PRRC2B: variants seen among roughly 807,000 people sequenced by gnomAD.
PRRC2B encodes the protein protein PRRC2B.
In PRRC2B, 68 loss-of-function variants were observed where a neutral mutation model predicts 242.3. The observed-to-expected ratio is 0.28, with a 90% CI of 0.23 to 0.34. The LOEUF is 0.34. Ranked by LOEUF, PRRC2B falls within the 10% of genes least tolerant of loss-of-function variation. The probability of loss-of-function intolerance (pLI) is 1.00; values close to 1 mark genes in which losing one functional copy is unlikely to be tolerated. For synonymous variants in PRRC2B, 1,228 were observed against 1,173.6 expected (o/e 1.05, Z -0.95); for missense variants, 2,835 against 2,954.8 (o/e 0.96, Z 0.94).
chr9:131,413,964 C>T (rs548828997), intron 1 of PRRC2B, among the ~76,000 whole-genome samples: 2 of 152,316 alleles, frequency 1.3e-5, no homozygotes, highest in East Asian at 1.9e-4. Flanking sequence ...GCCACCACGC[C>T]GGGCCTTAAT....
chr9:131,386,949 A>T (rs1836834113), intron 1 of PRRC2B, among the ~76,000 whole-genome samples: 1 of 150,114 alleles, frequency 6.7e-6, no homozygotes, highest in Non-Finnish European at 1.5e-5. Context: ...TCCAAAACTG[A>T]AGAACTTTGG....
intron 9 of PRRC2B, 27 bp from the exon 10 acceptor site, chr9:131,455,049 T>A: frequency 1.9e-6 from 3 of 1,579,444 alleles, no homozygotes; most frequent in Non-Finnish European, 2.6e-6. Flanking sequence ...TCTTTCTCAT[T>A]CTTCCTGGGC....
Position 131,487,301 on chromosome 9 carries a change from T to C in PRRC2B, c.5984+7T>C. On this transcript the variant is annotated splice_region_variant and intron_variant, in intron 27 of 31. Transcript: ENST00000683519. This position sits in a 1 kb window ranked among gnomAD's most constrained non-coding sequence, Gnocchi z 5.3. ...GCTCCTTGCAGCCCTTCAGGTGAGC[T>C]CATGTACCAGCTTGCGGAGCTGGCA... The C allele has an allele frequency of 1.9e-6, 3 of 1,596,604 alleles. No homozygotes were observed. The highest frequency in any genetic ancestry group is 2.6e-6 in the Non-Finnish European group (3 of 1,168,938).
Position 131,477,929 on chromosome 9 carries a change from A to G in PRRC2B, c.4592A>G (p.Gln1531Arg), listed in dbSNP as rs370210720. The change falls in exon 17 of 32, where the codon CAG (glutamine) becomes CGG (arginine). Residue 1531 changes from glutamine (Q) to arginine (R), a missense_variant. Gln to Arg is a conservative substitution (Grantham distance 43). Around this residue, in one of 7 missense-constraint regions of PRRC2B, gnomAD observed 1,536 missense variants for 1,483.1 expected, o/e 1.04. Coordinates refer to ENST00000683519, the MANE Select transcript of PRRC2B (RefSeq NM_013318.4). ...RAGEQGEAMK[Q>R]FDLNYGSAII... ...GGTGAACAGGGAGAGGCCATGAAAC[A>G]GTTTGACCTGAACTATGGAAGTAAG... is the stretch of plus-strand genomic sequence containing the variant. The G allele has an allele frequency of 6.8e-6, 11 of 1,613,880 alleles. No individual in the cohort carries two copies. In the African/African-American group the frequency reaches 1.3e-4, roughly 20 times the overall value.
In PRRC2B at chr9:131,447,733, C is replaced by T. The variant is rs747843736; in HGVS notation, c.1049C>T (p.Pro350Leu). ...CAGCTGGTGGAGCGGGCACCACGGCCCACCATTATCAATGCGGAAAACCTG... is the reference window on the plus strand; with the variant it reads ...CAGCTGGTGGAGCGGGCACCACGGCTCACCATTATCAATGCGGAAAACCTG... Reference protein sequence around the residue: ...LRQLVERAPRPTIINAENLKG... With the variant: ...LRQLVERAPRLTIINAENLKG... The change falls in exon 9 of 32, where the codon CCC becomes CTC. Residue 350 changes from proline (P) to leucine (L), a missense_variant. Physicochemically the swap from Pro to Leu is moderately conservative, Grantham distance 98. This residue lies in a region of PRRC2B where 626 missense variants were observed against 685.5 expected (regional missense o/e 0.91). Coordinates refer to ENST00000683519, the MANE Select transcript of PRRC2B (RefSeq NM_013318.4). 2 of 1,613,614 alleles carry T rather than the reference C, an allele frequency of 1.2e-6. No homozygotes were observed. Among genetic ancestry groups the T allele is most frequent in the African/African-American group, 2.7e-5 (2 of 74,902 alleles).
intron 1 of PRRC2B, among the ~76,000 whole-genome samples, chr9:131,381,505 G>A (rs1290034720): frequency 5.0e-5 from 7 of 141,212 alleles, no homozygotes; most frequent in Admixed American, 3.8e-4. Context: ...TGCAACCTCC[G>A]CCTCCCGGGT....
intron 1 of PRRC2B, among the ~76,000 whole-genome samples, chr9:131,413,144 C>G (rs896126942): frequency 1.3e-5 from 2 of 152,222 alleles, no homozygotes; most frequent in Admixed American, 6.5e-5. Context: ...TATGCTTATA[C>G]TGGTCCAAGC....
At chr9:131,480,470 G>C (rs551677005) in intron 19 of PRRC2B, among the ~76,000 whole-genome samples, 9 of 152,296 alleles carry the variant, frequency 5.9e-5, no homozygotes, top group African/African-American at 2.2e-4. Flanking sequence ...GTGTGAATCA[G>C]ATGTGACTCT....
rs780219033 is a variant in PRRC2B at position 131,436,643 on chromosome 9, C to T, written c.317C>T (p.Pro106Leu). 18 of 1,613,822 alleles carry T rather than the reference C, an allele frequency of 1.1e-5. No individual in the cohort carries two copies. The highest frequency in any genetic ancestry group is 8.0e-5 in the African/African-American group (6 of 74,942). ...AGTTCCAGTGCGACGGCCTCTCAGC[C>T]GCCGGAGTCGCTGCCGCAGCCGGGT... ...PKSSSATASQPPESLPQPGLQ... is the reference protein window; with the variant it reads ...PKSSSATASQLPESLPQPGLQ... Residue 106 changes from proline to leucine, a missense_variant, in exon 4 of 32, where the codon CCG (proline) becomes CTG (leucine). Around this residue, in one of 7 missense-constraint regions of PRRC2B, gnomAD observed 626 missense variants for 685.5 expected, o/e 0.91. Transcript: ENST00000683519.
rs760614353 is a variant in PRRC2B, at chr9:131,476,450, G to T, written c.4321G>T (p.Gly1441Trp). 2 of 1,613,272 alleles carry T rather than the reference G, an allele frequency of 1.2e-6. No homozygotes were observed. Among genetic ancestry groups the T allele is most frequent in the South Asian group, 2.2e-5 (2 of 90,990 alleles). The change falls in exon 16 of 32, where the codon GGG becomes TGG. Residue 1441 changes from glycine (G) to tryptophan (W), a missense_variant. Physicochemically the swap from Gly to Trp is radical, Grantham distance 184. Around this residue, in one of 7 missense-constraint regions of PRRC2B, gnomAD observed 1,536 missense variants for 1,483.1 expected, o/e 1.04. Coordinates refer to ENST00000683519, the MANE Select transcript of PRRC2B (RefSeq NM_013318.4). ...CCGAAAGCTGGAGCCGGGAGGGTTT[G>T]GGGAGAAGCCCGTTAGGCCAGGTGG... ...QSRKLEPGGF[G>W]EKPVRPGGGD...
intron 1 of PRRC2B, among the ~76,000 whole-genome samples, chr9:131,413,414 G>A (rs138804982): frequency 1.3e-5 from 2 of 152,310 alleles, no homozygotes; most frequent in Non-Finnish European, 2.9e-5. Flanking sequence ...GCTAGCGACT[G>A]TACCCTTTCT....
chr9:131,492,440 G>A (rs998149150), intron 30 of PRRC2B, among the ~76,000 whole-genome samples, 180 bp downstream of exon 30: 2 of 152,182 alleles, frequency 1.3e-5, no homozygotes, highest in Non-Finnish European at 2.9e-5. Flanking sequence ...TAAATTTGGG[G>A]GAGTGAGGAG....
intron 1 of PRRC2B, among the ~76,000 whole-genome samples, chr9:131,379,957 T>G (rs1204461516): frequency 6.7e-6 from 1 of 150,270 alleles, no homozygotes; most frequent in Non-Finnish European, 1.5e-5. Context: ...TTTGCCTTTT[T>G]GTTCTTGAGT....
chr9:131,458,130 G>A (rs928707454), intron 10 of PRRC2B, among the ~76,000 whole-genome samples: 1 of 152,084 alleles, frequency 6.6e-6, no homozygotes, highest in African/African-American at 2.4e-5. Context: ...TTTCCATGCT[G>A]TGTCGGCTCT....
At chr9:131,490,590 C>T (rs760687859) in intron 28 of PRRC2B, 1 of 519,098 alleles carries the variant, frequency 1.9e-6, no homozygotes, top group Non-Finnish European at 3.8e-6. Context: ...GGCCCAGCCC[C>T]CCTACCCCAT....
At chr9:131,443,018 A>G (rs1490444986) in intron 5 of PRRC2B, among the ~76,000 whole-genome samples, 2 of 151,140 alleles carry the variant, frequency 1.3e-5, no homozygotes, top group East Asian at 1.9e-4. Flanking sequence ...GCGGAAGGAC[A>G]GGTGAATGAG....
chr9:131,460,450 G>C (rs1461519758), intron 11 of PRRC2B, among the ~76,000 whole-genome samples: 1 of 152,156 alleles, frequency 6.6e-6, no homozygotes, highest in African/African-American at 2.4e-5. Context: ...CTTCAGGCAT[G>C]ACCTGACTTT....
At chr9:131,377,930 A>T (rs1024830938) in intron 1 of PRRC2B, among the ~76,000 whole-genome samples, 2 of 151,990 alleles carry the variant, frequency 1.3e-5, no homozygotes, top group African/African-American at 4.8e-5. Context: ...TAATTTTTAA[A>T]TTTTTTGTAG....
At chr9:131,449,360 C>T (rs1942841385) in intron 9 of PRRC2B, among the ~76,000 whole-genome samples, 1 of 150,220 alleles carries the variant, frequency 6.7e-6, no homozygotes, top group Non-Finnish European at 1.5e-5. Context: ...TTTTGGTGTT[C>T]ATCTTTTTTT....
Sources: allele counts gnomAD v4.1 joint callset (sites outside exome capture counted in the v4.1 genomes callset), GRCh38; gene constraint gnomAD v4.1.1; regional missense constraint gnomAD v4.1.1; non-coding constraint Gnocchi (gnomAD v3.1); transcripts MANE v1.5; gene names NCBI Gene and HGNC (gene_info 2026-07-23, HGNC 2026-07-21).